SLC30A8: variants seen among roughly 807,000 people sequenced by gnomAD.
SLC30A8 encodes the protein solute carrier family 30 member 8.
Under a neutral mutation model 36.9 loss-of-function variants are expected in SLC30A8, and 27 were observed. That is an observed-to-expected ratio of 0.73 (90% CI 0.54 to 1.01). SLC30A8 has a LOEUF of 1.01. Among genes scored for constraint, SLC30A8 ranks in the 50% least tolerant of loss-of-function variants. The pLI is 0.00. For synonymous variants in SLC30A8, 164 were observed against 172.4 expected, an observed-to-expected ratio of 0.95 and a Z score of 0.38; for missense variants, 439 against 452.0, an observed-to-expected ratio of 0.97 and a Z score of 0.26.
intron 3 of SLC30A8, among the ~76,000 whole-genome samples, chr8:117,153,317 G>A (rs1435987447): frequency 2.6e-5 from 4 of 152,200 alleles, no homozygotes; most frequent in South Asian, 2.1e-4. Context: ...ACAGGAACAC[G>A]TGTATCACTT....
intron 2 of SLC30A8, among the ~76,000 whole-genome samples, chr8:117,109,923 T>C (rs1350592187): frequency 6.6e-6 from 1 of 152,190 alleles, no homozygotes; most frequent in Non-Finnish European, 1.5e-5. Context: ...AAGAGCCGGC[T>C]CAGCATTTAT....
intron 1 of SLC30A8, among the ~76,000 whole-genome samples, chr8:117,145,852 A>T (rs1026239691): frequency 6.6e-6 from 1 of 152,150 alleles, no homozygotes; most frequent in African/African-American, 2.4e-5. Context: ...AGTTAAGTGA[A>T]ATAAGCCAAG....
At chr8:117,048,725 A>G (rs1224150369) in intron 2 of SLC30A8, among the ~76,000 whole-genome samples, 1 of 152,234 alleles carries the variant, frequency 6.6e-6, no homozygotes, top group Non-Finnish European at 1.5e-5. Context: ...AGTGCCTGGC[A>G]TGAGTGCTCA....
chr8:117,123,259 T>C (rs1436177513), intron 2 of SLC30A8, among the ~76,000 whole-genome samples: 1 of 151,942 alleles, frequency 6.6e-6, no homozygotes, highest in Non-Finnish European at 1.5e-5. Context: ...TTTATTCAGA[T>C]GACACAGAGA....
intron 1 of SLC30A8, among the ~76,000 whole-genome samples, chr8:116,959,097 C>T (rs368110207): frequency 1.3e-5 from 2 of 152,216 alleles, no homozygotes. Flanking sequence ...GATCTGCCCG[C>T]CTCGGCCTCC....
chr8:117,022,717 A>G (rs1816741165), intron 1 of SLC30A8, among the ~76,000 whole-genome samples: 1 of 152,254 alleles, frequency 6.6e-6, no homozygotes, highest in African/African-American at 2.4e-5. Flanking sequence ...ACTTTATACA[A>G]AAATTAATTC....
chr8:117,044,864 A>C (rs1817499429), intron 2 of SLC30A8, among the ~76,000 whole-genome samples: 2 of 152,224 alleles, frequency 1.3e-5, no homozygotes, highest in Non-Finnish European at 2.9e-5. Flanking sequence ...CCCTGGCTTC[A>C]AACGCAGGCT....
At chr8:117,155,060 C>G (rs1822404803) in intron 3 of SLC30A8, among the ~76,000 whole-genome samples, 1 of 152,102 alleles carries the variant, frequency 6.6e-6, no homozygotes, top group African/African-American at 2.4e-5. Context: ...AGAGGTGAGT[C>G]CAACACATTC....
chr8:117,101,076 A>C (rs937290619), intron 2 of SLC30A8, among the ~76,000 whole-genome samples: 2 of 152,292 alleles, frequency 1.3e-5, no homozygotes, highest in African/African-American at 4.8e-5. Flanking sequence ...CTACCAGATA[A>C]GTTTTAATCT....
intron 2 of SLC30A8, among the ~76,000 whole-genome samples, chr8:117,039,544 C>T (rs1817318792): frequency 6.6e-6 from 1 of 152,126 alleles, no homozygotes; most frequent in Non-Finnish European, 1.5e-5. Flanking sequence ...TTAGGCTCTG[C>T]CCCATACTTT....
intron 2 of SLC30A8, among the ~76,000 whole-genome samples, chr8:117,106,169 T>G (rs1299308632): frequency 6.6e-6 from 1 of 152,160 alleles, no homozygotes; most frequent in Non-Finnish European, 1.5e-5. Context: ...TAAAGGAAAT[T>G]TATAATCTGT....
At chr8:116,965,637 C>G (rs1814575249) in intron 1 of SLC30A8, among the ~76,000 whole-genome samples, 1 of 152,130 alleles carries the variant, frequency 6.6e-6, no homozygotes, top group Admixed American at 6.5e-5. Flanking sequence ...CAGTCTGGCT[C>G]CAAGCTCCAG....
chr8:116,987,571 C>G (rs939406482), intron 1 of SLC30A8, among the ~76,000 whole-genome samples: 3 of 151,882 alleles, frequency 2.0e-5, no homozygotes, highest in African/African-American at 7.3e-5. Flanking sequence ...CATGAAGTTC[C>G]GTCAGCTGTT....
chr8:116,990,650 GA>G lies in SLC30A8; in HGVS notation c.-266+39534del, dbSNP rs375233184. Among the ~76,000 whole-genome samples the G allele has an allele frequency of 1.8e-3, 274 of 152,252 alleles. 2 individuals are homozygous for G. The highest frequency in any genetic ancestry group is 6.0e-3 in the African/African-American group (249 of 41,544). ...ATATGCAATGTGGTGTCTCGGAATG[GA>G]AAGAGAACATTTGTGGAAAACAGGT... On this transcript the variant is annotated intron_variant, in intron 1 of 10. Transcript: ENST00000427715.
chr8:116,963,244 G>A (rs10086588), intron 1 of SLC30A8, among the ~76,000 whole-genome samples: 2,216 of 152,184 alleles, frequency 0.015, 60 homozygotes, highest in African/African-American at 0.05. Flanking sequence ...CTATGGTTAA[G>A]CCCTTCCAGA....
chr8:117,055,025 A>G (rs528626271), intron 2 of SLC30A8, among the ~76,000 whole-genome samples: 1 of 152,302 alleles, frequency 6.6e-6, no homozygotes, highest in Admixed American at 6.5e-5. Context: ...TTCACTCGCT[A>G]TTTAACCTCA....
rs532951848 is a variant in SLC30A8 at position 117,121,048 on chromosome 8, G to T, written c.-225-14232G>T. On this transcript the variant is annotated intron_variant, in intron 2 of 10. Coordinates refer to the SLC30A8 transcript ENST00000427715. ...ACCCTTACTCACAGTCACTGGGAATGTATAATGTTGCAGCCACTATGGAAA... is the reference window on the plus strand; with the variant it reads ...ACCCTTACTCACAGTCACTGGGAATTTATAATGTTGCAGCCACTATGGAAA... Among the ~76,000 whole-genome samples, 5 of 151,934 alleles carry T rather than the reference G, an allele frequency of 3.3e-5. No individual in the cohort carries two copies. The East Asian group carries it at 9.8e-4, about 30-fold the overall frequency.
intron 1 of SLC30A8, among the ~76,000 whole-genome samples, chr8:117,024,524 A>G (rs142778752): frequency 2.0e-5 from 3 of 152,320 alleles, no homozygotes; most frequent in East Asian, 1.9e-4. Context: ...ACCATGTGCT[A>G]TAATCTTTAT....
At chr8:117,131,768 A>T (rs1821147751), upstream of SLC30A8, among the ~76,000 whole-genome samples, 1 of 151,966 alleles carries the variant, frequency 6.6e-6, no homozygotes, top group Admixed American at 6.6e-5. Flanking sequence ...GTTACATAAA[A>T]CTGGTTATAT....
Sources: allele counts gnomAD v4.1 joint callset (sites outside exome capture counted in the v4.1 genomes callset), GRCh38; gene constraint gnomAD v4.1.1; transcripts MANE v1.5; gene names NCBI Gene and HGNC (gene_info 2026-07-23, HGNC 2026-07-21).